Variants in XRCC4 observed in about 807,000 individuals in gnomAD.
XRCC4 encodes X-ray repair cross complementing 4, also known as DNA repair protein XRCC4.
A neutral mutation model predicts 39.1 loss-of-function variants in XRCC4; 28 were observed. The ratio of observed to expected loss-of-function variants is 0.72; its 90% CI spans 0.53 to 0.98. XRCC4 has a LOEUF of 0.98. Ranked by LOEUF, XRCC4 falls within the 50% of genes least tolerant of loss-of-function variation. The pLI is 0.00. For missense variants in XRCC4, 350 were observed against 376.4 expected, an observed-to-expected ratio of 0.93 and a Z score of 0.58; for synonymous variants, 123 against 126.4, an observed-to-expected ratio of 0.97 and a Z score of 0.18.
At chr5:83,242,808 A>C (rs536816404) in intron 6 of XRCC4, among the ~76,000 whole-genome samples, 3 of 152,326 alleles carry the variant, frequency 2.0e-5, no homozygotes, top group African/African-American at 7.2e-5. Flanking sequence ...TAATGTGCCA[A>C]GCTAACTGCT....
At chr5:83,201,263 C>T (rs1388953542) in intron 4 of XRCC4, 5 of 152,144 alleles carry the variant, frequency 3.3e-5, no homozygotes, top group South Asian at 2.1e-4. Flanking sequence ...ATCCTGAAGC[C>T]CCACTTTTGT....
chr5:83,310,399 G>C (rs1318185207), intron 7 of XRCC4, among the ~76,000 whole-genome samples: 1 of 152,164 alleles, frequency 6.6e-6, no homozygotes, highest in Admixed American at 6.5e-5. Context: ...AGCTAAATAA[G>C]GAGGATGGGC....
intron 6 of XRCC4, among the ~76,000 whole-genome samples, chr5:83,220,540 C>G (rs1456344716): frequency 6.6e-6 from 1 of 152,044 alleles, no homozygotes; most frequent in African/African-American, 2.4e-5. Context: ...ACTCTGAGGG[C>G]CTGGGGATGT....
At chr5:83,293,354 G>A (rs28360278) in intron 7 of XRCC4, among the ~76,000 whole-genome samples, 3,945 of 152,086 alleles carry the variant, frequency 0.026, 80 homozygotes, top group Admixed American at 0.041. Context: ...CAAGTTGGAC[G>A]TATAGAAGTT....
intron 7 of XRCC4, among the ~76,000 whole-genome samples, chr5:83,339,051 C>T (rs1464402717): frequency 6.6e-6 from 1 of 150,950 alleles, no homozygotes; most frequent in Non-Finnish European, 1.5e-5. Context: ...CTTGTGTTGC[C>T]TCATCTACAC....
At position 83,232,590 on chromosome 5, in the gene XRCC4, G is replaced by T. The variant is rs761421820; in HGVS notation, c.746-25940G>T. Reference sequence around the variant, plus strand: ...TTGAGACTTTCACCTGAAACTGCTTGTTTAGTTTGTGATGAAGAACTAAAT... The same window carrying T: ...TTGAGACTTTCACCTGAAACTGCTTTTTTAGTTTGTGATGAAGAACTAAAT... On this transcript the variant is annotated intron_variant, in intron 6 of 7. Transcript: ENST00000396027. Among the ~76,000 whole-genome samples the T allele has an allele frequency of 1.2e-3, 179 of 151,996 alleles. 1 individual carries two copies. The highest frequency in any genetic ancestry group is 6.2e-4 in the South Asian group (3 of 4,814).
intron 3 of XRCC4, among the ~76,000 whole-genome samples, chr5:83,120,444 C>T (rs1475363919): frequency 6.6e-6 from 1 of 152,224 alleles, no homozygotes; most frequent in African/African-American, 2.4e-5. Flanking sequence ...CTTCTCCCAA[C>T]CCTACCTACT....
At chr5:83,187,466 A>G (rs1750505188) in intron 3 of XRCC4, among the ~76,000 whole-genome samples, 1 of 152,194 alleles carries the variant, frequency 6.6e-6, no homozygotes, top group Non-Finnish European at 1.5e-5. Flanking sequence ...AAGTTTCAAG[A>G]ATTAGCTTGT....
At chr5:83,290,486 A>G (rs1754886602) in intron 7 of XRCC4, among the ~76,000 whole-genome samples, 1 of 151,544 alleles carries the variant, frequency 6.6e-6, no homozygotes, top group Admixed American at 6.6e-5. Flanking sequence ...ATTCTGCACT[A>G]TGTGATTTGT....
At position 83,104,947 on chromosome 5, in the gene XRCC4, C is replaced by T; in HGVS notation, c.28C>T (p.Leu10Phe). 2.5e-6 allele frequency: 4 copies of T among 1,613,220 alleles called. No individual in the cohort carries two copies. The highest frequency in any genetic ancestry group is 3.4e-6 in the Non-Finnish European group (4 of 1,179,490). The change falls in exon 2 of 8, where the codon CTT (leucine) becomes TTT (phenylalanine). Residue 10 changes from leucine to phenylalanine, a missense_variant. Leu to Phe is a conservative substitution (Grantham distance 22, BLOSUM62 0). Coordinates refer to ENST00000396027, the MANE Select transcript of XRCC4 (RefSeq NM_003401.5). MERKISRIH[L>F]VSEPSITHFL... ...GGAGAGAAAAATAAGCAGAATCCAC[C>T]TTGTTTCTGAACCCAGTATAACTCA...
chr5:83,077,960 T>A (rs974774000), intron 1 of XRCC4: 1 of 152,622 alleles, frequency 6.6e-6, no homozygotes, highest in African/African-American at 2.4e-5. Context: ...TTGAGTAGGC[T>A]GTTTGAGCAT....
intron 3 of XRCC4, among the ~76,000 whole-genome samples, chr5:83,170,117 C>G (rs1409862561): frequency 6.6e-6 from 1 of 152,014 alleles, no homozygotes; most frequent in African/African-American, 2.4e-5. Flanking sequence ...GCATTTGATT[C>G]AGGAATGACA....
At chr5:83,189,005 A>G (rs2112676625) in intron 3 of XRCC4, among the ~76,000 whole-genome samples, 1 of 152,336 alleles carries the variant, frequency 6.6e-6, no homozygotes, top group African/African-American at 2.4e-5. Flanking sequence ...ATAAAGTAGC[A>G]GGCAAATAAT....
intron 6 of XRCC4, among the ~76,000 whole-genome samples, chr5:83,233,902 C>CAA (rs10629125): frequency 0.014 from 1,076 of 77,920 alleles, 28 homozygotes; most frequent in East Asian, 0.091. Flanking sequence ...GACTTCATCT[C>CAA]AAAAAAAAAA....
At chr5:83,149,561 CA>C (rs1292927284) in intron 3 of XRCC4, among the ~76,000 whole-genome samples, 6 of 152,058 alleles carry the variant, frequency 3.9e-5, no homozygotes, top group Non-Finnish European at 8.8e-5. Flanking sequence ...TCTTTTGAAG[CA>C]GTGATCAAAG....
chr5:83,079,952 C>CA (rs1434779111), intron 1 of XRCC4, among the ~76,000 whole-genome samples: 63 of 152,198 alleles, frequency 4.1e-4, no homozygotes, highest in African/African-American at 1.4e-3. Context: ...TCTGTGGCGC[C>CA]AGTGCACAGG....
At chr5:83,096,720 A>G (rs369166726) in intron 1 of XRCC4, among the ~76,000 whole-genome samples, 2 of 152,346 alleles carry the variant, frequency 1.3e-5, no homozygotes, top group African/African-American at 2.4e-5. Context: ...TTGAAAAACA[A>G]TATGAGCCAA....
At chr5:83,293,169 C>G (rs570971451) in intron 7 of XRCC4, among the ~76,000 whole-genome samples, 1 of 151,980 alleles carries the variant, frequency 6.6e-6, no homozygotes, top group South Asian at 2.1e-4. Flanking sequence ...AGCTGTGAAC[C>G]CTGTAGTAGA....
At chr5:83,116,990 T>C (rs999185803) in intron 3 of XRCC4, among the ~76,000 whole-genome samples, 1 of 152,228 alleles carries the variant, frequency 6.6e-6, no homozygotes, top group African/African-American at 2.4e-5. Flanking sequence ...TTTATACTCA[T>C]GTTTTGGGAG....
Sources: allele counts gnomAD v4.1 joint callset (sites outside exome capture counted in the v4.1 genomes callset), GRCh38; gene constraint gnomAD v4.1.1; transcripts MANE v1.5; gene names NCBI Gene and HGNC (gene_info 2026-07-23, HGNC 2026-07-21).